Variants in PTPRD observed in about 807,000 individuals in gnomAD.
PTPRD encodes the protein protein tyrosine phosphatase receptor type D, also known as receptor-type tyrosine-protein phosphatase delta.
A neutral mutation model predicts 214.5 loss-of-function variants in PTPRD; 34 were observed. The observed-to-expected ratio is 0.16, with a 90% confidence interval of 0.12 to 0.21. The LOEUF is 0.21. Ranked by LOEUF, PTPRD falls within the 10% of genes least tolerant of loss-of-function variation. PTPRD has a pLI of 1.00. For missense variants in PTPRD, 2,545 were observed against 2,398.7 expected, an observed-to-expected ratio of 1.06 and a Z score of -1.27; for synonymous variants, 1,128 against 845.7, an observed-to-expected ratio of 1.33 and a Z score of -5.79.
Position 9,256,539 on chromosome 9 carries a change from G to A in PTPRD, c.-202-73176C>T, listed in dbSNP as rs114815779. On this transcript the variant is annotated intron_variant, in intron 9 of 45. Coordinates refer to ENST00000381196, the MANE Select transcript of PTPRD (RefSeq NM_002839.4). ...AATAAAAATTCCTTGCCTTTCTCAG[G>A]AGGACCCTTTAAAGTGAAAATGACT... Among the ~76,000 whole-genome samples the A allele has an allele frequency of 6.8e-3, 1,027 of 151,910 alleles. 11 individuals carry two copies. The highest frequency in any genetic ancestry group is 0.024 in the African/African-American group (982 of 41,486).
intron 3 of PTPRD, among the ~76,000 whole-genome samples, chr9:10,278,219 G>A (rs528264815): frequency 1.3e-5 from 2 of 152,004 alleles, no homozygotes; most frequent in African/African-American, 2.4e-5. Flanking sequence ...CAAATATGAA[G>A]AAAGTTATTA....
intron 9 of PTPRD, among the ~76,000 whole-genome samples, chr9:9,384,343 CTTTTTTTTTTTTTT>C (rs869246078): frequency 9.3e-4 from 31 of 33,308 alleles, no homozygotes; most frequent in African/African-American, 9.1e-4. Flanking sequence ...GAAGACTAGG[CTTTTTTTTTTTTTT>C]TTTTTTTTTT....
chr9:9,944,988 G>C (rs2092339905), intron 4 of PTPRD, among the ~76,000 whole-genome samples: 2 of 147,678 alleles, frequency 1.4e-5, no homozygotes, highest in African/African-American at 5.4e-5. Context: ...GACCAGACAA[G>C]TAGTGGAGAG....
chr9:8,620,248 T>A (rs1222791401), intron 14 of PTPRD, among the ~76,000 whole-genome samples: 1 of 152,004 alleles, frequency 6.6e-6, no homozygotes, highest in Non-Finnish European at 1.5e-5. Context: ...ATTTGCTCAT[T>A]GAGAAAAGAA....
chr9:10,050,227 T>C (rs2097503535), intron 3 of PTPRD, among the ~76,000 whole-genome samples: 1 of 151,764 alleles, frequency 6.6e-6, no homozygotes, highest in African/African-American at 2.4e-5. Flanking sequence ...GGTGGGGATG[T>C]GCTTGGCCAT....
intron 7 of PTPRD, among the ~76,000 whole-genome samples, chr9:9,619,312 G>C (rs1465010799): frequency 1.3e-5 from 2 of 151,830 alleles, no homozygotes; most frequent in African/African-American, 4.8e-5. Context: ...AGATACAGGA[G>C]AAAGGAAATA....
chr9:10,086,420 C>T (rs1291198023), intron 3 of PTPRD, among the ~76,000 whole-genome samples: 1 of 151,704 alleles, frequency 6.6e-6, no homozygotes, highest in Non-Finnish European at 1.5e-5. Context: ...TAATATGGAG[C>T]TCAGTCCCTT....
intron 2 of PTPRD, among the ~76,000 whole-genome samples, chr9:10,602,904 T>C (rs2078340880): frequency 6.6e-6 from 1 of 151,770 alleles, no homozygotes; most frequent in Non-Finnish European, 1.5e-5. Context: ...TGATCCTAAA[T>C]GTCACTCCAC....
chr9:10,107,041 A>C (rs928381468), intron 3 of PTPRD, among the ~76,000 whole-genome samples: 24 of 152,088 alleles, frequency 1.6e-4, no homozygotes, highest in Admixed American at 1.3e-3. Flanking sequence ...TATGGGCTTG[A>C]GCCTGGGGAA....
At chr9:8,941,595 A>C (rs1463814713) in intron 11 of PTPRD, among the ~76,000 whole-genome samples, 1 of 152,106 alleles carries the variant, frequency 6.6e-6, no homozygotes, top group African/African-American at 2.4e-5. Flanking sequence ...GTGGAGTTTA[A>C]ATATGCACAT....
At chr9:8,679,236 GTT>G (rs2097501803) in intron 12 of PTPRD, among the ~76,000 whole-genome samples, 1 of 152,168 alleles carries the variant, frequency 6.6e-6, no homozygotes, top group African/African-American at 2.4e-5. Flanking sequence ...CTTCAAAGCA[GTT>G]TGTTCATTAT....
In PTPRD at chr9:8,492,977, G is replaced by A. The variant is rs142228841; in HGVS notation, c.2352C>T (p.Asp784=). 948 of 1,609,062 alleles carry A rather than the reference G, an allele frequency of 5.9e-4. 5 individuals carry two copies. The highest frequency in any genetic ancestry group is 2.4e-3 in the South Asian group (218 of 90,940). ...CAGGCTGGAGCCCAGAAATGATCAT[G>A]TCCTGAAATGACAAAATAGAATGTC... ...QWEFDDTTEH[D]MIISGLQPET... Residue 784 remains aspartate (D), a splice_region_variant and synonymous_variant, in exon 27 of 46, where the codon GAC becomes GAT. Transcript: ENST00000381196.
chr9:10,360,112 T>C (rs1396196046), intron 2 of PTPRD, among the ~76,000 whole-genome samples: 1 of 152,190 alleles, frequency 6.6e-6, no homozygotes, highest in South Asian at 2.1e-4. Flanking sequence ...TAATTTGTCC[T>C]ACTGAAAAAC....
chr9:8,911,111 A>T (rs966479503), intron 11 of PTPRD, among the ~76,000 whole-genome samples: 1 of 152,234 alleles, frequency 6.6e-6, no homozygotes, highest in Non-Finnish European at 1.5e-5. Context: ...ATGTTTTTGT[A>T]CAATTTTAAA....
chr9:9,682,065 A>C (rs889213340), intron 7 of PTPRD, among the ~76,000 whole-genome samples: 5 of 151,896 alleles, frequency 3.3e-5, no homozygotes, highest in African/African-American at 1.2e-4. Context: ...CAACTACATA[A>C]TTTGCAGAGG....
chr9:8,625,241 A>G (rs56883748), intron 14 of PTPRD, among the ~76,000 whole-genome samples: 42,765 of 151,738 alleles, frequency 0.28, 6,437 homozygotes, highest in African/African-American at 0.4. Context: ...ATATATGCAA[A>G]TATACCTTCT....
At chr9:9,351,816 G>A (rs1254094830) in intron 9 of PTPRD, among the ~76,000 whole-genome samples, 1 of 151,950 alleles carries the variant, frequency 6.6e-6, no homozygotes, top group Non-Finnish European at 1.5e-5. Context: ...TAGTCATTTT[G>A]GACTCATTGT....
intron 12 of PTPRD, among the ~76,000 whole-genome samples, chr9:8,654,328 T>C (rs2096868792): frequency 1.3e-5 from 2 of 152,140 alleles, no homozygotes; most frequent in East Asian, 3.9e-4. Context: ...GTGTTCATCT[T>C]CTCTCTCTTC....
chr9:8,925,259 T>C (rs2098866252), intron 11 of PTPRD, among the ~76,000 whole-genome samples: 1 of 152,062 alleles, frequency 6.6e-6, no homozygotes, highest in South Asian at 2.1e-4. Flanking sequence ...TGCAGCTACT[T>C]ATTGGTCACC....
Sources: gnomAD v4.1 joint callset for allele counts (sites outside exome capture counted in the v4.1 genomes callset) on GRCh38, gnomAD v4.1.1 for gene constraint, MANE v1.5 for transcripts, NCBI Gene and HGNC (gene_info 2026-07-23, HGNC 2026-07-21) for gene names.